CLIP1: variants seen among roughly 807,000 people sequenced by gnomAD.
The protein encoded by CLIP1 is CAP-Gly domain containing linker protein 1.
A neutral mutation model predicts 161.6 loss-of-function variants in CLIP1; 66 were observed. The observed-to-expected ratio is 0.41, with a 90% CI of 0.33 to 0.50. CLIP1 has a LOEUF of 0.50. Among genes scored for constraint, CLIP1 ranks in the 20% least tolerant of loss-of-function variants. The pLI, the probability that CLIP1 is intolerant of heterozygous loss-of-function variation, is 0.27. For missense variants in CLIP1, 1,376 were observed against 1,702.0 expected (o/e 0.81, Z 3.37); for synonymous variants, 598 against 626.2 (o/e 0.96, Z 0.67).
chr12:122,363,284 G>A (rs148733032), intron 4 of CLIP1, among the ~76,000 whole-genome samples: 1 of 152,148 alleles, frequency 6.6e-6, no homozygotes, highest in Admixed American at 6.5e-5. Context: ...TGGATCACTT[G>A]TGCCCAGGAG....
intron 21 of CLIP1, chr12:122,280,916 T>C (rs1378720257): frequency 6.6e-6 from 1 of 152,242 alleles, no homozygotes; most frequent in Non-Finnish European, 1.5e-5. Context: ...CCTGGTTCTA[T>C]TCCAAGGAAC....
intron 13 of CLIP1, among the ~76,000 whole-genome samples, chr12:122,334,329 C>A (rs770799663): frequency 1.7e-4 from 26 of 152,226 alleles, no homozygotes; most frequent in Non-Finnish European, 1.0e-4. Context: ...AGACAGGCAT[C>A]AGGCCCTTTC....
At chr12:122,338,023 A>AC (rs973612634) in intron 11 of CLIP1, among the ~76,000 whole-genome samples, 1 of 147,814 alleles carries the variant, frequency 6.8e-6, no homozygotes, top group African/African-American at 2.6e-5. Flanking sequence ...TCAAAAAAAA[A>AC]AAAAACAAAA....
At chr12:122,380,234 T>G in intron 2 of CLIP1, 134 bp downstream of exon 2, 1 of 546,040 alleles carries the variant, frequency 1.8e-6, no homozygotes. Context: ...CAGAGTTAGA[T>G]TCCATCTCAA....
At chr12:122,388,033 G>T (rs1217359142) in intron 1 of CLIP1, among the ~76,000 whole-genome samples, 1 of 152,146 alleles carries the variant, frequency 6.6e-6, no homozygotes, top group Non-Finnish European at 1.5e-5. Flanking sequence ...TGGGTGTGGT[G>T]ACACAGTTCA....
At chr12:122,403,529 G>GT (rs1956215048) in intron 1 of CLIP1, among the ~76,000 whole-genome samples, 1 of 38,548 alleles carries the variant, frequency 2.6e-5, no homozygotes, top group Non-Finnish European at 5.9e-5. Context: ...TGGTCTGTTT[G>GT]TTTTTTTGGC....
intron 9 of CLIP1, among the ~76,000 whole-genome samples, chr12:122,347,726 A>C (rs1481677556): frequency 1.3e-5 from 2 of 152,166 alleles, no homozygotes; most frequent in Non-Finnish European, 2.9e-5. Context: ...AATGGAAAAC[A>C]CATGAGGCCA....
intron 1 of CLIP1, among the ~76,000 whole-genome samples, chr12:122,383,271 A>C (rs1406126894): frequency 6.6e-6 from 1 of 152,212 alleles, no homozygotes; most frequent in East Asian, 1.9e-4. Context: ...AATGCTCCTT[A>C]AATTATTTCA....
intron 9 of CLIP1, 193 bp downstream of exon 9, chr12:122,350,918 A>C (rs951566696): frequency 2.3e-6 from 1 of 430,966 alleles, no homozygotes; most frequent in African/African-American, 2.0e-5. Flanking sequence ...GAATGTGTGG[A>C]GCTTAGTCAT....
intron 15 of CLIP1, among the ~76,000 whole-genome samples, chr12:122,332,414 C>T (rs1469960320): frequency 6.6e-6 from 1 of 151,724 alleles, no homozygotes; most frequent in Non-Finnish European, 1.5e-5. Flanking sequence ...TAAACTACTA[C>T]CTTTTCTTTT....
At position 122,356,909 on chromosome 12, in the gene CLIP1, A is replaced by G. The variant is rs538635798; in HGVS notation, c.1006-1597T>C. Among the ~76,000 whole-genome samples the G allele has an allele frequency of 2.4e-3, 365 of 152,256 alleles. 2 individuals carry two copies. Among genetic ancestry groups the G allele is most frequent in the African/African-American group, 8.4e-3 (348 of 41,546 alleles). On this transcript the variant is annotated intron_variant, in intron 5 of 25. Coordinates refer to ENST00000620786, the MANE Select transcript of CLIP1 (RefSeq NM_001247997.2). ...CCAGCCTCGGCCTCCCGAGGTGCCG[A>G]GATTGCAGACGGAGTCTGGTTCACT...
At chr12:122,284,106 A>G (rs1049043224) in intron 21 of CLIP1, among the ~76,000 whole-genome samples, 1 of 152,156 alleles carries the variant, frequency 6.6e-6, no homozygotes, top group African/African-American at 2.4e-5. Flanking sequence ...TCTAAAATCC[A>G]TTTACATTCA....
chr12:122,333,946 G>A, intron 14 of CLIP1, 81 bp downstream of exon 14: 1 of 827,614 alleles, frequency 1.2e-6, no homozygotes, highest in Non-Finnish European at 2.1e-6. Context: ...TAGTACATTT[G>A]TTATGTAACA....
intron 20 of CLIP1, among the ~76,000 whole-genome samples, chr12:122,302,879 G>A (rs1230912854): frequency 6.6e-6 from 1 of 152,106 alleles, no homozygotes; most frequent in Non-Finnish European, 1.5e-5. Context: ...TTACAGGCTT[G>A]AGCCACCGTG....
intron 20 of CLIP1, among the ~76,000 whole-genome samples, chr12:122,302,473 C>T (rs566559641): frequency 3.3e-5 from 5 of 152,174 alleles, no homozygotes; most frequent in Non-Finnish European, 7.4e-5. Flanking sequence ...TATTTTGGAC[C>T]AATTTTTCCC....
At chr12:122,308,732 A>AAT (rs1277808728) in intron 20 of CLIP1, among the ~76,000 whole-genome samples, 2 of 152,214 alleles carry the variant, frequency 1.3e-5, no homozygotes, top group Non-Finnish European at 2.9e-5. Flanking sequence ...AGAGCCCATA[A>AAT]ATGTTAGCTA....
chr12:122,311,686 G>C lies in CLIP1; in HGVS notation c.3474-1804C>G, dbSNP rs1464666595. Reference sequence around the variant, plus strand: ...GATCTGCCCGCCTCGGCCTCCCAAAGTGCTGGGATTACAGGCATGAGCCAC... The same window carrying C: ...GATCTGCCCGCCTCGGCCTCCCAAACTGCTGGGATTACAGGCATGAGCCAC... On this transcript the variant is annotated intron_variant, in intron 19 of 25. Transcript: ENST00000620786. The surrounding 1 kb of genome is among the most constrained non-coding windows in gnomAD (Gnocchi z 4.3). 6.6e-6 allele frequency among the ~76,000 whole-genome samples: 1 copy of C among 151,936 alleles called. No homozygotes were observed. The highest frequency in any genetic ancestry group is 1.5e-5 in the Non-Finnish European group (1 of 67,980).
At position 122,328,564 on chromosome 12, in the gene CLIP1, A is replaced by C. The variant is rs561933190; in HGVS notation, c.2868-138T>G. The C allele has an allele frequency of 3.8e-4, 177 of 463,472 alleles. 2 individuals carry two copies. The African/African-American group carries it at 4.8e-3, about 13-fold the overall frequency. The allele number at this position is 463,472 out of a possible 1,614,324, so 28.7% of individuals were successfully genotyped here. ...TTAATAACATCAGAACTAGGCAAGA[A>C]ATTTTGTTTTGTTTTGTTTTGTTTT... On this transcript the variant is annotated intron_variant, in intron 15 of 25. Coordinates refer to ENST00000620786, the MANE Select transcript of CLIP1 (RefSeq NM_001247997.2).
intron 20 of CLIP1, among the ~76,000 whole-genome samples, chr12:122,304,125 G>A (rs1335212084): frequency 6.6e-6 from 1 of 152,152 alleles, no homozygotes; most frequent in Non-Finnish European, 1.5e-5. Flanking sequence ...TCCCACCGTT[G>A]GTAAAATCCT....
Sources: gnomAD v4.1 joint callset for allele counts (sites outside exome capture counted in the v4.1 genomes callset) on GRCh38, gnomAD v4.1.1 for gene constraint, Gnocchi (gnomAD v3.1) non-coding constraint, MANE v1.5 for transcripts, NCBI Gene and HGNC (gene_info 2026-07-23, HGNC 2026-07-21) for gene names.